The following RNF144A variants were observed in gnomAD, a reference collection of about 807,000 sequenced individuals.
RNF144A encodes the protein ring finger protein 144A.
In RNF144A, 11 loss-of-function variants were observed where a neutral mutation model predicts 38.7. The ratio of observed to expected loss-of-function variants is 0.28; its 90% CI spans 0.18 to 0.47. The LOEUF is 0.47. Among genes scored for constraint, RNF144A ranks in the 20% least tolerant of loss-of-function variants. The pLI is 0.99. For missense variants in RNF144A, 316 were observed against 377.2 expected, an observed-to-expected ratio of 0.84 and a Z score of 1.34; for synonymous variants, 149 against 143.9, an observed-to-expected ratio of 1.04 and a Z score of -0.25.
rs187950881 is a variant in RNF144A, at chr2:7,031,082, C to T, written c.747+867C>T. On this transcript the variant is annotated intron_variant, in intron 8 of 8. Coordinates refer to ENST00000320892, the MANE Select transcript of RNF144A (RefSeq NM_014746.6). ...CTGTAAATACAGATGAAGGTTTGCTCGTTTGCTTCCCCCACCCCCACCACT... is the reference window on the plus strand; with the variant it reads ...CTGTAAATACAGATGAAGGTTTGCTTGTTTGCTTCCCCCACCCCCACCACT... Among the ~76,000 whole-genome samples the T allele has an allele frequency of 4.7e-4, 72 of 152,168 alleles. 1 individual carries two copies. The highest frequency in any genetic ancestry group is 3.4e-3 in the Middle Eastern group (1 of 294).
intron 2 of RNF144A, among the ~76,000 whole-genome samples, chr2:6,964,102 C>T (rs1667504049): frequency 1.3e-5 from 2 of 152,040 alleles, no homozygotes; most frequent in South Asian, 2.1e-4. Context: ...AAACACAACA[C>T]AGCAAGAGAA....
At chr2:7,052,994 C>T (rs1250043886) in intron 6 of RNF144A, among the ~76,000 whole-genome samples, 1 of 152,228 alleles carries the variant, frequency 6.6e-6, no homozygotes, top group East Asian at 1.9e-4. Context: ...CTGTGAAATA[C>T]TTCCATATGT....
intron 2 of RNF144A, among the ~76,000 whole-genome samples, chr2:6,996,294 G>A (rs1669733294): frequency 6.6e-6 from 1 of 152,198 alleles, no homozygotes; most frequent in Non-Finnish European, 1.5e-5. Flanking sequence ...TTTAGCAAAA[G>A]CTTCTCTTCC....
intron 2 of RNF144A, among the ~76,000 whole-genome samples, chr2:6,952,942 A>G (rs867117174): frequency 4.6e-5 from 7 of 151,980 alleles, no homozygotes; most frequent in South Asian, 2.1e-4. Flanking sequence ...AAAGAAAAAC[A>G]CTCTTGACTT....
intron 1 of RNF144A, among the ~76,000 whole-genome samples, chr2:6,927,086 T>C (rs1572196889): frequency 2.6e-5 from 4 of 152,210 alleles, no homozygotes; most frequent in Admixed American, 2.6e-4. Flanking sequence ...GTTGGTCCCG[T>C]GAGATTGCCT....
At chr2:6,985,669 G>A (rs1180099507) in intron 2 of RNF144A, among the ~76,000 whole-genome samples, 1 of 152,080 alleles carries the variant, frequency 6.6e-6, no homozygotes, top group Non-Finnish European at 1.5e-5. Flanking sequence ...AAATTGGAAA[G>A]GATGTTTTAT....
At chr2:7,013,394 G>T (rs922380028) in intron 3 of RNF144A, among the ~76,000 whole-genome samples, 2 of 152,116 alleles carry the variant, frequency 1.3e-5, no homozygotes, top group African/African-American at 4.8e-5. Context: ...TGGATTATAC[G>T]TTTTTGCGGG....
intron 6 of RNF144A, among the ~76,000 whole-genome samples, chr2:7,056,178 G>C (rs1673731171): frequency 6.6e-6 from 1 of 152,170 alleles, no homozygotes; most frequent in Non-Finnish European, 1.5e-5. Context: ...GCCAGGTGGA[G>C]GAAAGCCTCA....
chr2:7,021,529 C>T (rs1671533834), intron 6 of RNF144A, among the ~76,000 whole-genome samples: 1 of 152,138 alleles, frequency 6.6e-6, no homozygotes, highest in African/African-American at 2.4e-5. Context: ...TCTGGAGTGC[C>T]CTGCTCTGCC....
At chr2:7,039,502 G>T (rs1672910577) in intron 8 of RNF144A, 127 bp from the exon 9 acceptor site, 17 of 1,475,258 alleles carry the variant, frequency 1.2e-5, no homozygotes, top group Non-Finnish European at 1.3e-5. Flanking sequence ...ATGGATGGAT[G>T]GATAGATGGA....
intron 2 of RNF144A, among the ~76,000 whole-genome samples, chr2:6,987,613 C>A (rs1259923844): frequency 1.3e-5 from 2 of 152,176 alleles, no homozygotes; most frequent in South Asian, 4.1e-4. Flanking sequence ...AATGGCTGAC[C>A]CTTCACCCTC....
In RNF144A at chr2:6,941,559, A is replaced by G. The variant is rs1665978630; in HGVS notation, c.-12+412A>G. On this transcript the variant is annotated intron_variant, in intron 2 of 8. Coordinates refer to ENST00000320892, the MANE Select transcript of RNF144A (RefSeq NM_014746.6). This position sits in a 1 kb window ranked among gnomAD's most constrained non-coding sequence, Gnocchi z 6.5. ...AAGATTCTGTGTTTGTGAGGAATAC[A>G]AGTGGAGGATGGGGGTAGGGACAGT... 6.6e-6 allele frequency among the ~76,000 whole-genome samples: 1 copy of G among 152,218 alleles called. No individual in the cohort carries two copies. The highest frequency in any genetic ancestry group is 2.4e-5 in the African/African-American group (1 of 41,462).
At chr2:7,024,887 G>C (rs1176885810) in intron 7 of RNF144A, among the ~76,000 whole-genome samples, 3 of 152,128 alleles carry the variant, frequency 2.0e-5, no homozygotes, top group Non-Finnish European at 2.9e-5. Flanking sequence ...TATTCCTCAT[G>C]GTTCTGGGGG....
chr2:7,033,956 C>G (rs1421457853), intron 8 of RNF144A, among the ~76,000 whole-genome samples: 1 of 152,184 alleles, frequency 6.6e-6, no homozygotes, highest in Non-Finnish European at 1.5e-5. Context: ...CGGCGGCTTT[C>G]TACACGTGGG....
intron 6 of RNF144A, among the ~76,000 whole-genome samples, chr2:7,022,688 T>G (rs947041857): frequency 4.6e-5 from 7 of 152,324 alleles, no homozygotes; most frequent in African/African-American, 1.7e-4. Context: ...AAACCCAACC[T>G]TGATCACCAG....
downstream of RNF144A, among the ~76,000 whole-genome samples, chr2:7,070,565 AG>A (rs1674432081): frequency 5.3e-5 from 8 of 152,322 alleles, no homozygotes; most frequent in Admixed American, 2.0e-4. Flanking sequence ...ATTTGGAAAT[AG>A]AGAGTGTTTG....
downstream of RNF144A, among the ~76,000 whole-genome samples, chr2:7,072,143 C>T (rs918653345): frequency 6.6e-6 from 1 of 152,192 alleles, no homozygotes; most frequent in Non-Finnish European, 1.5e-5. Context: ...TGGCATTGGG[C>T]AATGAGCAGA....
At chr2:7,049,001 G>A (rs533939248), downstream of RNF144A, among the ~76,000 whole-genome samples, 9 of 152,206 alleles carry the variant, frequency 5.9e-5, no homozygotes, top group South Asian at 1.7e-3. Flanking sequence ...CTCAGGATGT[G>A]GTGGGATTTA....
intron 6 of RNF144A, among the ~76,000 whole-genome samples, chr2:7,023,076 G>A (rs963888567): frequency 2.6e-5 from 4 of 152,146 alleles, no homozygotes; most frequent in African/African-American, 9.7e-5. Flanking sequence ...GATGCTATTA[G>A]CCTTATTCAT....
Sources: gnomAD v4.1 joint callset for allele counts (sites outside exome capture counted in the v4.1 genomes callset) on GRCh38, gnomAD v4.1.1 for gene constraint, Gnocchi (gnomAD v3.1) non-coding constraint, MANE v1.5 for transcripts, NCBI Gene and HGNC (gene_info 2026-07-23, HGNC 2026-07-21) for gene names.